Variants in DLG5 observed in about 807,000 individuals in gnomAD.
DLG5 encodes the protein discs large MAGUK scaffold protein 5, also known as disks large homolog 5.
DLG5 carries 48 observed loss-of-function variants against 189.8 expected under a neutral mutation model. The ratio of observed to expected loss-of-function variants is 0.25; its 90% CI spans 0.20 to 0.32. The LOEUF (loss-of-function observed/expected upper bound fraction) is 0.32. Ranked by LOEUF, DLG5 falls within the 10% of genes least tolerant of loss-of-function variation. DLG5 has a pLI of 1.00. For synonymous variants in DLG5, 1,016 were observed against 1,054.1 expected (o/e 0.96, Z 0.70); for missense variants, 2,160 against 2,544.7 (o/e 0.85, Z 3.25).
intron 1 of DLG5, among the ~76,000 whole-genome samples, chr10:77,878,870 T>C (rs1302216977): frequency 1.3e-5 from 2 of 152,156 alleles, no homozygotes; most frequent in Non-Finnish European, 2.9e-5. Context: ...ACCACCTACA[T>C]ACAGACATCA....
chr10:77,865,955 C>T (rs1463362407), intron 2 of DLG5, among the ~76,000 whole-genome samples: 1 of 152,296 alleles, frequency 6.6e-6, no homozygotes, highest in East Asian at 1.9e-4. Context: ...ATACAACCTG[C>T]CATTGTTTTC....
At chr10:77,911,241 C>T (rs938811001) in intron 1 of DLG5, among the ~76,000 whole-genome samples, 1 of 152,090 alleles carries the variant, frequency 6.6e-6, no homozygotes, top group African/African-American at 2.4e-5. Context: ...GATCCTCCCA[C>T]CTCAGTCTCC....
At chr10:77,805,460 C>T (rs1309638445) in intron 27 of DLG5, among the ~76,000 whole-genome samples, 1 of 152,166 alleles carries the variant, frequency 6.6e-6, no homozygotes, top group Non-Finnish European at 1.5e-5. Flanking sequence ...CATTGACAGG[C>T]GGTGACTGGG....
intron 1 of DLG5, among the ~76,000 whole-genome samples, chr10:77,897,056 G>C (rs1442732768): frequency 2.0e-5 from 3 of 151,792 alleles, no homozygotes; most frequent in Non-Finnish European, 4.4e-5. Flanking sequence ...AAAAAAAATA[G>C]GCATCAAAAA....
Position 77,821,713 on chromosome 10 carries a change from C to T in DLG5, c.2771G>A (p.Gly924Asp), listed in dbSNP as rs764352153. 3.7e-6 allele frequency: 6 copies of T among 1,611,142 alleles called. No homozygotes were observed. The Admixed American group carries it at 1.0e-4, about 27-fold the overall frequency. ...RPLLPFETEV[G>D]PCGVGEASLD... ...GGAGGCCTCCCCAACCCCACAGGGG[C>T]CCACCTCGGTCTCAAAGGGCAGCAG... Residue 924 changes from glycine to aspartate, a missense_variant, in exon 15 of 32, where the codon GGC becomes GAC. Around this residue, in one of 5 missense-constraint regions of DLG5, gnomAD observed 754 missense variants for 746.5 expected, o/e 1.01. Coordinates refer to ENST00000372391, the MANE Select transcript of DLG5 (RefSeq NM_004747.4).
chr10:77,863,685 C>T (rs865781444), intron 2 of DLG5, among the ~76,000 whole-genome samples: 1 of 152,186 alleles, frequency 6.6e-6, no homozygotes, highest in African/African-American at 2.4e-5. Flanking sequence ...TCAGGCTTTC[C>T]TTACCCAAGT....
intron 23 of DLG5, among the ~76,000 whole-genome samples, chr10:77,810,191 C>A (rs375076187): frequency 2.1e-4 from 32 of 152,348 alleles, no homozygotes; most frequent in African/African-American, 6.7e-4. Flanking sequence ...GGCCCCTTGC[C>A]ATCAAGGCAC....
rs549119883 is a variant in DLG5, at chr10:77,919,779, A to C, written c.304+6438T>G. On this transcript the variant is annotated intron_variant, in intron 1 of 31. Coordinates refer to ENST00000372391, the MANE Select transcript of DLG5 (RefSeq NM_004747.4). Reference sequence around the variant, plus strand: ...TGATGGGCAACCTTGGGAACTTCAGACATCAATGTCACACCACCTGCTTCC... The same window carrying C: ...TGATGGGCAACCTTGGGAACTTCAGCCATCAATGTCACACCACCTGCTTCC... Among the ~76,000 whole-genome samples, 4 of 152,150 alleles carry C rather than the reference A, an allele frequency of 2.6e-5. No individual in the cohort carries two copies. In the East Asian group the frequency reaches 7.7e-4, roughly 29 times the overall value.
chr10:77,858,117 T>C (rs1844322791), intron 2 of DLG5, among the ~76,000 whole-genome samples: 1 of 151,940 alleles, frequency 6.6e-6, no homozygotes, highest in Non-Finnish European at 1.5e-5. Flanking sequence ...GGGAGGAGGA[T>C]CCTCAACTCC....
rs138732431 is a variant in DLG5, at chr10:77,821,270, G to A, written c.3214C>T (p.Arg1072Cys). 1.4e-3 allele frequency: 2,191 copies of A among 1,613,840 alleles called. 3 individuals carry two copies. Among genetic ancestry groups the A allele is most frequent in the Non-Finnish European group, 1.8e-3 (2,128 of 1,180,034 alleles). ...TCAGGGTAGTAGCTGGAAGCAATGC[G>A]GACCCTGGCCTTGCGAGGGGGTGAT... ...HASPPRKARV[R>C]IASSYYPEGD... is the part of the protein sequence containing the mutation. The change falls in exon 15 of 32, where the codon CGC (arginine) becomes TGC (cysteine). Residue 1072 changes from arginine to cysteine, a missense_variant. Arg to Cys is a radical substitution (Grantham distance 180). Coordinates refer to ENST00000372391, the MANE Select transcript of DLG5 (RefSeq NM_004747.4).
At chr10:77,824,653 G>T in intron 13 of DLG5, 177 bp from the exon 14 acceptor site, 1 of 569,820 alleles carries the variant, frequency 1.8e-6, no homozygotes, top group Non-Finnish European at 3.1e-6. Flanking sequence ...CCAACTAAGG[G>T]GATTCTGAGG....
chr10:77,829,372 T>A lies in DLG5; in HGVS notation c.2168A>T (p.Asn723Ile). ...GGKVVTPLHI[N>I]LSGQKDSGIS... ...CCCGCTACCTTTCTGTCCACTGAGG[T>A]TGATGTGCAGCGGCGTGACCACCTT... Residue 723 changes from asparagine (N) to isoleucine (I), a missense_variant, in exon 12 of 32, where the codon AAC (asparagine) becomes ATC (isoleucine). Coordinates refer to ENST00000372391, the MANE Select transcript of DLG5 (RefSeq NM_004747.4). The A allele has an allele frequency of 6.2e-7, 1 of 1,614,078 alleles. No homozygotes were observed. The highest frequency in any genetic ancestry group is 1.1e-5 in the South Asian group (1 of 91,078).
chr10:77,929,987 A>T (rs1382471271), upstream of DLG5, among the ~76,000 whole-genome samples: 10 of 152,178 alleles, frequency 6.6e-5, no homozygotes, highest in East Asian at 1.9e-3. Flanking sequence ...CTGCCTAAGG[A>T]CATCTCTGTA....
At chr10:77,877,706 C>T (rs1202048446) in intron 1 of DLG5, among the ~76,000 whole-genome samples, 1 of 152,136 alleles carries the variant, frequency 6.6e-6, no homozygotes, top group Non-Finnish European at 1.5e-5. Context: ...GACAGTTCTG[C>T]ACCTAAAAGG....
chr10:77,861,437 C>T (rs1007431815), intron 2 of DLG5, among the ~76,000 whole-genome samples: 1 of 152,176 alleles, frequency 6.6e-6, no homozygotes, highest in Non-Finnish European at 1.5e-5. Flanking sequence ...AAAGATGCAG[C>T]CCTGGCTTTC....
chr10:77,821,192 G>A lies in DLG5; in HGVS notation c.3292C>T (p.Leu1098Phe), dbSNP rs201626429. The A allele has an allele frequency of 4.3e-6, 7 of 1,614,140 alleles. No individual in the cohort carries two copies. The highest frequency in any genetic ancestry group is 1.1e-5 in the South Asian group (1 of 91,084). ...LPAKKSCDED[L>F]TSQKVDELGQ... is the part of the protein sequence containing the mutation. ...AGCTCATCCACCTTCTGGGAGGTGA[G>A]GTCCTCATCACAGGATTTCTTGGCC... The change falls in exon 15 of 32, where the codon CTC (leucine) becomes TTC (phenylalanine). Residue 1098 changes from leucine to phenylalanine, a missense_variant. Around this residue, in one of 5 missense-constraint regions of DLG5, gnomAD observed 754 missense variants for 746.5 expected, o/e 1.01. Coordinates refer to ENST00000372391, the MANE Select transcript of DLG5 (RefSeq NM_004747.4).
chr10:77,811,811 TAGGATCCCC>T (rs1702562595), intron 22 of DLG5, 104 bp downstream of exon 22: 1 of 1,401,762 alleles, frequency 7.1e-7, no homozygotes, highest in Admixed American at 2.4e-5. Context: ...TTAGCAGCAG[TAGGATCCCC>T]AGAACTTACG....
chr10:77,813,261 G>A (rs1475873149), intron 20 of DLG5, among the ~76,000 whole-genome samples: 1 of 152,196 alleles, frequency 6.6e-6, no homozygotes, highest in Non-Finnish European at 1.5e-5. Flanking sequence ...GCCAAAGGCT[G>A]AGGGGGCCAG....
the DLG5 span, among the ~76,000 whole-genome samples, chr10:77,932,925 AC>A: frequency 6.6e-6 from 1 of 152,152 alleles, no homozygotes; most frequent in Non-Finnish European, 1.5e-5. Flanking sequence ...ACATAGTGAG[AC>A]TCTGCCTCTA....
Sources: gnomAD v4.1 joint callset for allele counts (sites outside exome capture counted in the v4.1 genomes callset) on GRCh38, gnomAD v4.1.1 for gene constraint, gnomAD v4.1.1 regional missense constraint, MANE v1.5 for transcripts, NCBI Gene and HGNC (gene_info 2026-07-23, HGNC 2026-07-21) for gene names.